The following PTPRD variants were observed in gnomAD, a reference collection of about 807,000 sequenced individuals.
PTPRD encodes receptor-type tyrosine-protein phosphatase delta.
Under a neutral mutation model 214.5 loss-of-function variants are expected in PTPRD, and 34 were observed. The ratio of observed to expected loss-of-function variants is 0.16; its 90% CI spans 0.12 to 0.21. The LOEUF (loss-of-function observed/expected upper bound fraction) is 0.21. Ranked by LOEUF, PTPRD falls within the 10% of genes least tolerant of loss-of-function variation. The pLI, the probability that PTPRD is intolerant of heterozygous loss-of-function variation, is 1.00. For synonymous variants in PTPRD, 1,128 were observed against 845.7 expected (o/e 1.33, Z -5.79); for missense variants, 2,545 against 2,398.7 (o/e 1.06, Z -1.27).
chr9:10,580,958 C>A (rs562756126), intron 2 of PTPRD, among the ~76,000 whole-genome samples: 62 of 152,120 alleles, frequency 4.1e-4, no homozygotes, highest in Non-Finnish European at 7.5e-4. Flanking sequence ...GTCAGAGAAG[C>A]ACTGTTCTCA....
At chr9:8,427,319 G>A (rs932157730) in intron 35 of PTPRD, among the ~76,000 whole-genome samples, 1 of 152,110 alleles carries the variant, frequency 6.6e-6, no homozygotes, top group Non-Finnish European at 1.5e-5. Flanking sequence ...TGGGGATGTC[G>A]ACTGGAAAAA....
intron 9 of PTPRD, among the ~76,000 whole-genome samples, chr9:9,291,481 TAG>T (rs898008228): frequency 1.3e-5 from 2 of 151,452 alleles, no homozygotes; most frequent in African/African-American, 2.4e-5. Context: ...GAAAATTTAT[TAG>T]AGATTTTGAT....
At chr9:8,976,963 A>G (rs2099271343) in intron 11 of PTPRD, among the ~76,000 whole-genome samples, 1 of 152,048 alleles carries the variant, frequency 6.6e-6, no homozygotes, top group Non-Finnish European at 1.5e-5. Context: ...TCTGTTGGAC[A>G]TTTCTACCAA....
intron 24 of PTPRD, 105 bp downstream of exon 24, chr9:8,500,649 G>T: frequency 9.0e-7 from 1 of 1,106,290 alleles, no homozygotes; most frequent in Non-Finnish European, 1.3e-6. Context: ...AGCAATGCTG[G>T]GTAAAAAGAT....
chr9:9,768,226 C>G (rs1383832191), intron 5 of PTPRD, among the ~76,000 whole-genome samples: 1 of 151,974 alleles, frequency 6.6e-6, no homozygotes, highest in African/African-American at 2.4e-5. Flanking sequence ...ACTTACATAC[C>G]CTCTCTGAGA....
At chr9:8,954,406 G>A (rs957033817) in intron 11 of PTPRD, among the ~76,000 whole-genome samples, 4 of 151,638 alleles carry the variant, frequency 2.6e-5, no homozygotes, top group Non-Finnish European at 4.4e-5. Flanking sequence ...CTTACTACCT[G>A]GGTTACAATT....
At position 10,023,464 on chromosome 9, in the gene PTPRD, A is replaced by C. The variant is rs555611877; in HGVS notation, c.-472+10254T>G. ...ATGATTTCTTCCACGTACTTGAGAAAGTAAAGTTCTACATCTTTTCTGTAT... is the reference window on the plus strand; with the variant it reads ...ATGATTTCTTCCACGTACTTGAGAACGTAAAGTTCTACATCTTTTCTGTAT... On this transcript the variant is annotated intron_variant, in intron 4 of 45. Coordinates refer to ENST00000381196, the MANE Select transcript of PTPRD (RefSeq NM_002839.4). Among the ~76,000 whole-genome samples, 70 of 152,330 alleles carry C rather than the reference A, an allele frequency of 4.6e-4. 1 individual carries two copies. The South Asian group carries it at 0.014, about 31-fold the overall frequency.
At chr9:10,476,912 C>A (rs962828085) in intron 2 of PTPRD, among the ~76,000 whole-genome samples, 1 of 152,068 alleles carries the variant, frequency 6.6e-6, no homozygotes, top group Non-Finnish European at 1.5e-5. Context: ...ATAAATGGTG[C>A]TGTAAAAACA....
At chr9:8,878,473 C>T (rs532089586) in intron 11 of PTPRD, among the ~76,000 whole-genome samples, 192 of 151,944 alleles carry the variant, frequency 1.3e-3, no homozygotes, top group African/African-American at 4.3e-3. Flanking sequence ...AAGAGAAGTG[C>T]TCTGTTGATT....
At chr9:8,345,149 C>T (rs1390121569) in intron 39 of PTPRD, among the ~76,000 whole-genome samples, 2 of 152,008 alleles carry the variant, frequency 1.3e-5, no homozygotes, top group South Asian at 2.1e-4. Flanking sequence ...GAGCTTTCTG[C>T]GTTCACATTT....
chr9:8,669,697 G>C (rs1474226851), intron 12 of PTPRD, among the ~76,000 whole-genome samples: 1 of 152,166 alleles, frequency 6.6e-6, no homozygotes, highest in Non-Finnish European at 1.5e-5. Flanking sequence ...TAGAGAAATA[G>C]GTTTGTCCAA....
chr9:8,451,943 G>A, intron 33 of PTPRD: 1 of 480,730 alleles, frequency 2.1e-6, no homozygotes, highest in Non-Finnish European at 4.2e-6. Context: ...CCTGTGGCTG[G>A]GGTGAGTGAC....
intron 5 of PTPRD, among the ~76,000 whole-genome samples, chr9:9,931,582 A>G (rs1360677752): frequency 6.6e-6 from 1 of 152,090 alleles, no homozygotes; most frequent in East Asian, 1.9e-4. Flanking sequence ...TCCTATGCCC[A>G]CGGAGTCTCG....
chr9:9,140,174 A>G (rs1462059681), intron 10 of PTPRD, among the ~76,000 whole-genome samples: 4 of 150,476 alleles, frequency 2.7e-5, no homozygotes, highest in African/African-American at 7.4e-5. Context: ...TTGGGTCACT[A>G]TGTAAATCCA....
intron 5 of PTPRD, among the ~76,000 whole-genome samples, chr9:9,791,488 A>G (rs2098966922): frequency 6.6e-6 from 1 of 152,134 alleles, no homozygotes; most frequent in South Asian, 2.1e-4. Flanking sequence ...CTTGTGTGGA[A>G]TCATAAAAGA....
intron 12 of PTPRD, among the ~76,000 whole-genome samples, chr9:8,683,174 C>T (rs1469905283): frequency 1.3e-5 from 2 of 152,146 alleles, no homozygotes; most frequent in Non-Finnish European, 2.9e-5. Flanking sequence ...GAGTGCCACA[C>T]ACAAAGCTGT....
chr9:8,707,887 TTG>T (rs1334936076), intron 12 of PTPRD, among the ~76,000 whole-genome samples: 1 of 152,222 alleles, frequency 6.6e-6, no homozygotes, highest in Non-Finnish European at 1.5e-5. Context: ...TGGTTGTGTA[TTG>T]TCTCTCTCAG....
intron 11 of PTPRD, among the ~76,000 whole-genome samples, chr9:9,017,972 G>C (rs378531): frequency 0.98 from 148,974 of 152,232 alleles, 72,990 homozygotes; most frequent in Middle Eastern, 1. Flanking sequence ...CCTCTCTTTT[G>C]TTTCTTCCAA....
chr9:8,466,435 G>C (rs2096545696), intron 31 of PTPRD, among the ~76,000 whole-genome samples: 1 of 151,872 alleles, frequency 6.6e-6, no homozygotes, highest in African/African-American at 2.4e-5. Context: ...TGTATATACA[G>C]ATGCTTCATG....
Sources: gnomAD v4.1 joint callset for allele counts (sites outside exome capture counted in the v4.1 genomes callset) on GRCh38, gnomAD v4.1.1 for gene constraint, MANE v1.5 for transcripts, NCBI Gene and HGNC (gene_info 2026-07-23, HGNC 2026-07-21) for gene names.